FMO3: variants seen among roughly 807,000 people sequenced by gnomAD.
FMO3 encodes flavin containing dimethylaniline monoxygenase 3.
Under a neutral mutation model 39.4 loss-of-function variants are expected in FMO3, and 40 were observed. That is an observed-to-expected ratio of 1.02 (90% confidence interval 0.79 to 1.32). FMO3 has a LOEUF of 1.32. Among genes scored for constraint, FMO3 ranks in the 40% most tolerant of loss-of-function variants. The pLI is 0.00. For synonymous variants in FMO3, 219 were observed against 228.8 expected, an observed-to-expected ratio of 0.96 and a Z score of 0.39; for missense variants, 680 against 651.8, an observed-to-expected ratio of 1.04 and a Z score of -0.47.
chr1:171,107,983 T>C, intron 4 of FMO3, 96 bp from the exon 5 acceptor site: 8 of 1,425,532 alleles, frequency 5.6e-6, no homozygotes, highest in Middle Eastern at 1.7e-4. Context: ...AAATAGCACA[T>C]TATTGTGACT....
chr1:171,107,800 T>C lies in FMO3; in HGVS notation c.447T>C (p.His149=), dbSNP rs183161037. The C allele has an allele frequency of 2.5e-6, 4 of 1,613,960 alleles. No individual in the cohort carries two copies. Among genetic ancestry groups the C allele is most frequent in the Non-Finnish European group, 3.4e-6 (4 of 1,179,920 alleles). ...ATGCTGTAATGGTTTGTTCCGGACATCATGTGTATCCCAACCTACCAAAAG... is the reference window on the plus strand; with the variant it reads ...ATGCTGTAATGGTTTGTTCCGGACACCATGTGTATCCCAACCTACCAAAAG... ...VFDAVMVCSG[H]HVYPNLPKES... Residue 149 remains histidine (H), a synonymous_variant, in exon 4 of 9, where the codon CAT becomes CAC. Transcript: ENST00000367755.
At position 171,103,777 on chromosome 1, in the gene FMO3, A is replaced by C; in HGVS notation, c.133-8A>C. Reference sequence around the variant, plus strand: ...AATTCGCTTCCATTTGATACTATACATTCACAGGACCATGCAGAGGAGGGC... The same window carrying C: ...AATTCGCTTCCATTTGATACTATACCTTCACAGGACCATGCAGAGGAGGGC... On this transcript the variant is annotated splice_region_variant and splice_polypyrimidine_tract_variant and intron_variant, in intron 2 of 8. Coordinates refer to ENST00000367755, the MANE Select transcript of FMO3 (RefSeq NM_001002294.3). 6.2e-7 allele frequency: 1 copy of C among 1,610,720 alleles called. No individual in the cohort carries two copies. The highest frequency in any genetic ancestry group is 8.5e-7 in the Non-Finnish European group (1 of 1,177,046).
rs932053102 is a variant in FMO3 at position 171,092,653 on chromosome 1, G to C, written c.-6G>C. 2 of 1,614,042 alleles carry C rather than the reference G, an allele frequency of 1.2e-6. No homozygotes were observed. The highest frequency in any genetic ancestry group is 8.5e-7 in the Non-Finnish European group (1 of 1,180,008). Reference sequence around the variant, plus strand: ...AAATGTTCTCTGGGCCTTTGCACAGGTTACCATGGGGAAGAAAGTGGCCAT... The same window carrying C: ...AAATGTTCTCTGGGCCTTTGCACAGCTTACCATGGGGAAGAAAGTGGCCAT... On this transcript the variant is annotated splice_region_variant and 5_prime_UTR_variant, in exon 2 of 9. Transcript: ENST00000367755.
chr1:171,096,088 T>TAAATATATATTATATAA (rs1655014264), intron 2 of FMO3, among the ~76,000 whole-genome samples: 1 of 80,582 alleles, frequency 1.2e-5, no homozygotes, highest in Non-Finnish European at 2.1e-5. Flanking sequence ...ATAATATATA[T>TAAATATATATTATATAA]TAATATTTTT....
At chr1:171,095,768 T>C (rs929485859) in intron 2 of FMO3, among the ~76,000 whole-genome samples, 4 of 131,262 alleles carry the variant, frequency 3.0e-5, no homozygotes, top group Non-Finnish European at 6.3e-5. Context: ...ATATATTTAA[T>C]ATATATTTAT....
At chr1:171,095,334 A>C (rs530785324) in intron 2 of FMO3, among the ~76,000 whole-genome samples, 1 of 152,284 alleles carries the variant, frequency 6.6e-6, no homozygotes, top group African/African-American at 2.4e-5. Context: ...TAAGGGTTCT[A>C]TTAGCAGACA....
intron 5 of FMO3, 77 bp downstream of exon 5, chr1:171,108,298 A>T: frequency 6.5e-7 from 1 of 1,547,654 alleles, no homozygotes; most frequent in East Asian, 2.3e-5. Context: ...GTGATATGAA[A>T]TGTGGGGGAG....
intron 2 of FMO3, among the ~76,000 whole-genome samples, chr1:171,098,036 G>A (rs1462825609): frequency 1.3e-5 from 2 of 152,062 alleles, no homozygotes; most frequent in African/African-American, 4.8e-5. Context: ...AGCACCATTT[G>A]TTAAATAGGG....
chr1:171,117,774 G>A lies in FMO3; in HGVS notation c.*332G>A. Reference sequence around the variant, plus strand: ...TCCTTTTAAACAATGTATGAAAGATGTATTTTAAATCTAAATAAAGAGCAA... The same window carrying A: ...TCCTTTTAAACAATGTATGAAAGATATATTTTAAATCTAAATAAAGAGCAA... On this transcript the variant is annotated 3_prime_UTR_variant, in exon 9 of 9. Coordinates refer to ENST00000367755, the MANE Select transcript of FMO3 (RefSeq NM_001002294.3). 1 of 200,632 alleles carries A rather than the reference G, an allele frequency of 5.0e-6. No individual in the cohort carries two copies. The highest frequency in any genetic ancestry group is 1.0e-5 in the Non-Finnish European group (1 of 98,998). 12.4% of individuals were successfully genotyped at this position (200,632 alleles called of 1,614,324 possible). A position where few individuals can be genotyped will look rare whatever the true frequency, so the allele number is the denominator to read the frequency against.
intron 7 of FMO3, 45 bp downstream of exon 7, chr1:171,114,407 T>A (rs770157102): frequency 7.4e-7 from 1 of 1,343,382 alleles, no homozygotes; most frequent in African/African-American, 1.4e-5. Context: ...TGAATGCCAG[T>A]GACAATAACT....
At chr1:171,109,965 A>C (rs986335015) in intron 5 of FMO3, among the ~76,000 whole-genome samples, 22 of 152,196 alleles carry the variant, frequency 1.4e-4, no homozygotes, top group Admixed American at 1.2e-3. Context: ...GATTAGCATA[A>C]CAGAAGGGGA....
chr1:171,094,898 T>C (rs1029864193), intron 2 of FMO3, among the ~76,000 whole-genome samples: 2 of 152,178 alleles, frequency 1.3e-5, no homozygotes, highest in African/African-American at 4.8e-5. Flanking sequence ...TTCTTTTTGC[T>C]TAGAATTGCT....
At position 171,114,171 on chromosome 1, in the gene FMO3, A is replaced by G; in HGVS notation, c.992A>G (p.Tyr331Cys). The G allele has an allele frequency of 1.2e-6, 2 of 1,613,754 alleles. No individual in the cohort carries two copies. Among genetic ancestry groups the G allele is most frequent in the East Asian group, 2.2e-5 (1 of 44,870 alleles). ...GIDCVIFATG[Y>C]SFAYPFLDES... ...GACTGTGTAATCTTTGCAACAGGGT[A>G]TAGTTTTGCCTACCCCTTCCTTGAT... The change falls in exon 7 of 9, where the codon TAT becomes TGT. Residue 331 changes from tyrosine to cysteine, a missense_variant. Coordinates refer to ENST00000367755, the MANE Select transcript of FMO3 (RefSeq NM_001002294.3).
At chr1:171,108,633 C>T (rs1655758759) in intron 5 of FMO3, among the ~76,000 whole-genome samples, 1 of 152,068 alleles carries the variant, frequency 6.6e-6, no homozygotes, top group Admixed American at 6.6e-5. Context: ...AGCTTTTGAA[C>T]AAGACTTAAG....
intron 2 of FMO3, among the ~76,000 whole-genome samples, chr1:171,096,237 T>A (rs1655035185): frequency 6.4e-5 from 1 of 15,656 alleles, no homozygotes. Context: ...TAAAATATAT[T>A]ATTTCATACA....
At chr1:171,109,716 A>G (rs1303799891) in intron 5 of FMO3, among the ~76,000 whole-genome samples, 1 of 151,208 alleles carries the variant, frequency 6.6e-6, no homozygotes, top group Non-Finnish European at 1.5e-5. Flanking sequence ...TACTTTTTGT[A>G]TTTTTAGTAG....
At chr1:171,111,837 T>G (rs1021390848) in intron 6 of FMO3, among the ~76,000 whole-genome samples, 2 of 152,196 alleles carry the variant, frequency 1.3e-5, no homozygotes, top group Non-Finnish European at 2.9e-5. Context: ...CAAAAATCCC[T>G]GTCCTCATGG....
intron 3 of FMO3, among the ~76,000 whole-genome samples, chr1:171,106,986 TTGTG>T (rs1267011021): frequency 1.3e-5 from 2 of 152,196 alleles, no homozygotes; most frequent in Admixed American, 6.5e-5. Flanking sequence ...ATATATGTGT[TTGTG>T]TATTTTCTTA....
rs1464641095 is a variant in FMO3 at position 171,110,893 on chromosome 1, C to A, written c.723C>A (p.Thr241=). ...WDMLLVTRFG[T]FLKNNLPTAI... ...TGCTGCTCGTCACTCGATTTGGAAC[C>A]TTCCTCAAGAACAATTTACCGACAG... The change falls in exon 6 of 9, where the codon ACC becomes ACA. Residue 241 remains threonine (T), a synonymous_variant. Transcript: ENST00000367755. The A allele has an allele frequency of 1.2e-6, 2 of 1,613,964 alleles. No homozygotes were observed. The highest frequency in any genetic ancestry group is 3.3e-5 in the Admixed American group (2 of 59,998).
Sources: gnomAD v4.1 joint callset for allele counts (sites outside exome capture counted in the v4.1 genomes callset) on GRCh38, gnomAD v4.1.1 for gene constraint, MANE v1.5 for transcripts, NCBI Gene and HGNC (gene_info 2026-07-23, HGNC 2026-07-21) for gene names.